Variants in WDR64 observed in about 807,000 individuals in gnomAD.
WDR64 encodes WD repeat domain 64.
In WDR64, 112 loss-of-function variants were observed where a neutral mutation model predicts 139.3. The ratio of observed to expected loss-of-function variants is 0.80; its 90% CI spans 0.69 to 0.94. The LOEUF is 0.94. Among genes scored for constraint, WDR64 ranks in the 40% least tolerant of loss-of-function variants. The pLI is 0.00. For synonymous variants in WDR64, 444 were observed against 437.7 expected (o/e 1.01, Z -0.18); for missense variants, 1,206 against 1,293.1 (o/e 0.93, Z 1.03).
rs541301982 is a variant in WDR64, at chr1:241,696,113, C to CAAAAAAAAA, written c.974+8538_974+8546dup. Reference sequence around the variant, plus strand: ...TGTGGAATGGAATGAGACCCAGTATCAAAAAAAAAAAAAAAAAAAAAAAAA... The same window carrying CAAAAAAAAA: ...TGTGGAATGGAATGAGACCCAGTATCAAAAAAAAAAAAAAAAAAAAAAAAAAAAAAAAAA... On this transcript the variant is annotated intron_variant, in intron 8 of 27. Coordinates refer to ENST00000437684, the MANE Select transcript of WDR64 (RefSeq NM_001367482.1). Among the ~76,000 whole-genome samples the CAAAAAAAAA allele has an allele frequency of 3.0e-3, 68 of 22,314 alleles. 16 individuals carry two copies. The highest frequency in any genetic ancestry group is 7.8e-3 in the African/African-American group (56 of 7,162). The allele number at this position is 22,314 out of a possible 152,430, so 14.6% of individuals were successfully genotyped here. A position where few individuals can be genotyped will look rare whatever the true frequency, so the allele number is the denominator to read the frequency against.
rs577417123 is a variant in WDR64 at position 241,723,153 on chromosome 1, A to G, written c.1055-144A>G. The G allele has an allele frequency of 5.6e-6, 6 of 1,074,004 alleles. No homozygotes were observed. In the East Asian group the frequency reaches 1.3e-4, roughly 23 times the overall value. The allele number at this position is 1,074,004 out of a possible 1,614,324, so 66.5% of individuals were successfully genotyped here. A position where few individuals can be genotyped will look rare whatever the true frequency, so the allele number is the denominator to read the frequency against. ...CAAACCAAGGCCAGCCCCTTAGCAC[A>G]TCAATCACAGAATAATGCATCCTGC... On this transcript the variant is annotated intron_variant, in intron 9 of 27. Coordinates refer to ENST00000437684, the MANE Select transcript of WDR64 (RefSeq NM_001367482.1).
intron 23 of WDR64, among the ~76,000 whole-genome samples, chr1:241,784,953 G>GAAAAAAAA (rs58720618): frequency 1.5e-3 from 92 of 62,190 alleles, no homozygotes; most frequent in East Asian, 3.0e-3. Context: ...GACTCTGTCT[G>GAAAAAAAA]AAAAAAAAAA....
At chr1:241,668,227 G>A (rs1666094402) in intron 2 of WDR64, among the ~76,000 whole-genome samples, 1 of 152,158 alleles carries the variant, frequency 6.6e-6, no homozygotes, top group Admixed American at 6.5e-5. Flanking sequence ...GACACCCTTT[G>A]AGCTGGGCGC....
At position 241,772,983 on chromosome 1, in the gene WDR64, G is replaced by C; in HGVS notation, c.2430+52G>C. 3 of 1,507,450 alleles carry C rather than the reference G, an allele frequency of 2.0e-6. No homozygotes were observed. The East Asian group carries it at 7.6e-5, about 38-fold the overall frequency. 93.4% of individuals were successfully genotyped at this position (1,507,450 alleles called of 1,614,324 possible). The stretch of plus-strand genomic sequence containing the variant: ...TAGGAAAGAATGGGAAAGATAAAAA[G>C]AATCATTAAATGAATCTTAGTGTTC... On this transcript the variant is annotated intron_variant, in intron 20 of 27. Transcript: ENST00000437684.
At chr1:241,786,499 C>A (rs910784930) in intron 23 of WDR64, among the ~76,000 whole-genome samples, 1 of 152,222 alleles carries the variant, frequency 6.6e-6, no homozygotes, top group Non-Finnish European at 1.5e-5. Context: ...AGAGGGACCT[C>A]TTGGAGTGAA....
chr1:241,744,279 G>T, intron 12 of WDR64, 114 bp from the exon 13 acceptor site: 1 of 1,273,204 alleles, frequency 7.9e-7, no homozygotes, highest in Non-Finnish European at 1.1e-6. Flanking sequence ...GCTAGGAAAT[G>T]TGTTAGATGT....
At chr1:241,708,557 G>T (rs1026249392) in intron 8 of WDR64, among the ~76,000 whole-genome samples, 3 of 151,998 alleles carry the variant, frequency 2.0e-5, no homozygotes, top group African/African-American at 4.8e-5. Context: ...CACATGATCC[G>T]CCCGCCTTGG....
chr1:241,727,832 G>A (rs1330628469), intron 10 of WDR64, among the ~76,000 whole-genome samples: 5 of 151,906 alleles, frequency 3.3e-5, no homozygotes, highest in East Asian at 1.9e-4. Context: ...TTGAGGCCAG[G>A]AGTTCAAAAC....
At chr1:241,771,876 C>T (rs905043021) in intron 19 of WDR64, among the ~76,000 whole-genome samples, 179 bp downstream of exon 19, 3 of 133,238 alleles carry the variant, frequency 2.3e-5, no homozygotes, top group African/African-American at 8.3e-5. Flanking sequence ...ACACACATAC[C>T]CACACACATA....
rs138164014 is a variant in WDR64, at chr1:241,768,989, C to T, written c.2082-415C>T. ...TTATTTAAACTGTATGAAACCAGCC[C>T]GGCGTGGTGGCTCCCATCAGTAATC... On this transcript the variant is annotated intron_variant, in intron 16 of 27. Coordinates refer to ENST00000437684, the MANE Select transcript of WDR64 (RefSeq NM_001367482.1). Among the ~76,000 whole-genome samples the T allele has an allele frequency of 1.3e-3, 204 of 152,182 alleles. 1 individual carries two copies. In the Middle Eastern group the frequency reaches 0.014, roughly 10 times the overall value.
At chr1:241,746,173 T>C (rs1669747751) in intron 13 of WDR64, among the ~76,000 whole-genome samples, 1 of 152,064 alleles carries the variant, frequency 6.6e-6, no homozygotes, top group Non-Finnish European at 1.5e-5. Context: ...GTGTTGCTGA[T>C]GGGGAGAACC....
At chr1:241,718,705 T>A (rs1668492461) in intron 9 of WDR64, among the ~76,000 whole-genome samples, 1 of 152,180 alleles carries the variant, frequency 6.6e-6, no homozygotes, top group Admixed American at 6.5e-5. Flanking sequence ...CAGAAAGGTT[T>A]AAGCAACAGA....
intron 25 of WDR64, among the ~76,000 whole-genome samples, chr1:241,792,648 G>T (rs568951617): frequency 1.3e-5 from 2 of 152,156 alleles, no homozygotes; most frequent in East Asian, 1.9e-4. Context: ...CCACAAAATG[G>T]TTTAAAATAA....
intron 15 of WDR64, 61 bp downstream of exon 15, chr1:241,757,520 A>G: frequency 6.8e-7 from 1 of 1,472,122 alleles, no homozygotes; most frequent in South Asian, 1.3e-5. Context: ...ATTTACAAAC[A>G]TATATAAAGG....
At chr1:241,654,225 C>T (rs1393601913) in intron 1 of WDR64, among the ~76,000 whole-genome samples, 1 of 152,112 alleles carries the variant, frequency 6.6e-6, no homozygotes, top group Non-Finnish European at 1.5e-5. Flanking sequence ...CTGGATTTGT[C>T]CTCTCAGTCT....
chr1:241,665,079 T>A (rs1309405223), intron 2 of WDR64, among the ~76,000 whole-genome samples: 1 of 152,000 alleles, frequency 6.6e-6, no homozygotes, highest in Admixed American at 6.6e-5. Flanking sequence ...AAGAAGACTT[T>A]AAAAAAACAA....
At chr1:241,732,786 C>T (rs1669133826) in intron 10 of WDR64, among the ~76,000 whole-genome samples, 1 of 151,830 alleles carries the variant, frequency 6.6e-6, no homozygotes, top group Admixed American at 6.6e-5. Context: ...TGCCATTGCA[C>T]TCCAGCCTGG....
Position 241,792,444 on chromosome 1 carries a change from G to A in WDR64, c.2997+1748G>A, listed in dbSNP as rs967794717. 7.2e-5 allele frequency among the ~76,000 whole-genome samples: 11 copies of A among 152,136 alleles called. No individual in the cohort carries two copies. In the South Asian group the frequency reaches 2.3e-3, roughly 31 times the overall value. ...CCAGCTACTCAGGAGGCTGAGGCAG[G>A]AGAATCTCTTGAACCCAGGAGATGG... On this transcript the variant is annotated intron_variant, in intron 25 of 27. Transcript: ENST00000437684.
chr1:241,725,893 T>C (rs889731816), intron 10 of WDR64, among the ~76,000 whole-genome samples: 5 of 152,114 alleles, frequency 3.3e-5, no homozygotes, highest in African/African-American at 1.2e-4. Context: ...AATGGCATGG[T>C]GCAATGGGGC....
Sources: gnomAD v4.1 joint callset for allele counts (sites outside exome capture counted in the v4.1 genomes callset) on GRCh38, gnomAD v4.1.1 for gene constraint, MANE v1.5 for transcripts, NCBI Gene and HGNC (gene_info 2026-07-23, HGNC 2026-07-21) for gene names.